RERG: variants seen among roughly 807,000 people sequenced by gnomAD.
RERG encodes RAS like estrogen regulated growth inhibitor.
RERG carries 25 observed loss-of-function variants against 23.2 expected under a neutral mutation model. That is an observed-to-expected ratio of 1.08 (90% confidence interval 0.79 to 1.50). The LOEUF (loss-of-function observed/expected upper bound fraction) is 1.50, where lower values mean the gene tolerates loss of function less well. Ranked by LOEUF, RERG falls within the 40% of genes most tolerant of loss-of-function variation. The pLI is 0.00. For synonymous variants in RERG, 81 were observed against 89.1 expected (o/e 0.91, Z 0.51); for missense variants, 253 against 250.1 (o/e 1.01, Z -0.08).
At chr12:15,183,136 A>T (rs1328381764) in intron 2 of RERG, among the ~76,000 whole-genome samples, 1 of 152,148 alleles carries the variant, frequency 6.6e-6, no homozygotes, top group African/African-American at 2.4e-5. Flanking sequence ...CTATGCAAAT[A>T]TTATAAAAAG....
Position 15,212,042 on chromosome 12 carries a change from CTTTTTTTTTTTTT to C in RERG, c.61+5374_61+5386del, listed in dbSNP as rs772353150. On this transcript the variant is annotated intron_variant, in intron 2 of 4. Transcript: ENST00000256953. The stretch of plus-strand genomic sequence containing the variant: ...ATGTGATATTAGAGCCACGAATAAA[CTTTTTTTTTTTTT>C]TTTTTTTTTTTTTTTGAGACGGAGT... 1.2e-3 allele frequency among the ~76,000 whole-genome samples: 75 copies of C among 64,722 alleles called. 2 individuals are homozygous for C. The highest frequency in any genetic ancestry group is 4.2e-3 in the African/African-American group (72 of 17,340). 42.5% of individuals were successfully genotyped at this position (64,722 alleles called of 152,430 possible).
intron 3 of RERG, among the ~76,000 whole-genome samples, chr12:15,118,019 C>T (rs1863762044): frequency 6.6e-6 from 1 of 151,702 alleles, no homozygotes; most frequent in South Asian, 2.1e-4. Flanking sequence ...TAAAATAAAA[C>T]TAAAATTGTT....
At chr12:15,121,901 A>T (rs1446699109) in intron 2 of RERG, among the ~76,000 whole-genome samples, 2 of 152,200 alleles carry the variant, frequency 1.3e-5, no homozygotes, top group Non-Finnish European at 2.9e-5. Flanking sequence ...TCTGGATAAT[A>T]TTTAACTGGA....
chr12:15,109,572 G>T, intron 4 of RERG, 55 bp from the exon 5 acceptor site: 2 of 1,401,924 alleles, frequency 1.4e-6, no homozygotes, highest in Non-Finnish European at 2.0e-6. Flanking sequence ...AAAATATATG[G>T]ATGCTGGTAA....
At chr12:15,174,258 G>A (rs1158962135) in intron 2 of RERG, among the ~76,000 whole-genome samples, 3 of 151,804 alleles carry the variant, frequency 2.0e-5, no homozygotes. Context: ...AAAGTAATTT[G>A]AGGAAAAAAA....
At chr12:15,160,701 G>C (rs966032400) in intron 2 of RERG, among the ~76,000 whole-genome samples, 1 of 152,186 alleles carries the variant, frequency 6.6e-6, no homozygotes, top group African/African-American at 2.4e-5. Flanking sequence ...GCATTACACA[G>C]AATGCTGGAA....
chr12:15,211,034 A>G (rs554339938), intron 2 of RERG, among the ~76,000 whole-genome samples: 34 of 152,242 alleles, frequency 2.2e-4, no homozygotes, highest in Admixed American at 5.9e-4. Context: ...TCATAAACCA[A>G]CTAGGAAAAG....
intron 1 of RERG, among the ~76,000 whole-genome samples, chr12:15,218,209 G>A (rs2136152160): frequency 6.6e-6 from 1 of 152,142 alleles, no homozygotes; most frequent in South Asian, 2.1e-4. Context: ...ACAATGCCCT[G>A]GTACAAAAAC....
intron 3 of RERG, among the ~76,000 whole-genome samples, chr12:15,119,457 T>C (rs1380434863): frequency 6.6e-6 from 1 of 152,178 alleles, no homozygotes; most frequent in East Asian, 1.9e-4. Flanking sequence ...AATAAAAAAT[T>C]TGTATTTTTA....
At chr12:15,169,967 T>C (rs942153122) in intron 2 of RERG, among the ~76,000 whole-genome samples, 2 of 141,808 alleles carry the variant, frequency 1.4e-5, no homozygotes, top group African/African-American at 5.4e-5. Flanking sequence ...TGTGTGTGTG[T>C]AACATCAGGG....
chr12:15,159,619 C>T (rs1402731155), intron 2 of RERG, among the ~76,000 whole-genome samples: 3 of 152,036 alleles, frequency 2.0e-5, no homozygotes, highest in African/African-American at 4.8e-5. Flanking sequence ...GTCAGGAGAT[C>T]GAGACCATCC....
chr12:15,212,676 C>G (rs1314359509), intron 2 of RERG, among the ~76,000 whole-genome samples: 4 of 152,016 alleles, frequency 2.6e-5, no homozygotes, highest in Non-Finnish European at 5.9e-5. Context: ...AGTTCTAAAA[C>G]ACAAAATGTA....
intron 2 of RERG, among the ~76,000 whole-genome samples, chr12:15,137,519 C>G (rs942786628): frequency 1.3e-5 from 2 of 151,580 alleles, no homozygotes; most frequent in African/African-American, 2.4e-5. Flanking sequence ...TATTTTCTCT[C>G]CTTTTTTATT....
intron 2 of RERG, among the ~76,000 whole-genome samples, chr12:15,205,882 T>C (rs1019023869): frequency 1.3e-5 from 2 of 152,094 alleles, no homozygotes; most frequent in African/African-American, 4.8e-5. Flanking sequence ...TAAATACCAC[T>C]GTCAAAGAGC....
intron 2 of RERG, among the ~76,000 whole-genome samples, chr12:15,137,027 C>T (rs936355572): frequency 2.0e-5 from 3 of 151,906 alleles, no homozygotes; most frequent in Non-Finnish European, 2.9e-5. Context: ...ATGGCGGATT[C>T]GTCTATTTCT....
chr12:15,173,600 C>T (rs1346763550), intron 2 of RERG, among the ~76,000 whole-genome samples: 2 of 151,952 alleles, frequency 1.3e-5, no homozygotes, highest in African/African-American at 4.8e-5. Context: ...TTAATTCCTC[C>T]AATTCATAAA....
intron 2 of RERG, among the ~76,000 whole-genome samples, chr12:15,194,057 A>C (rs1349415600): frequency 2.0e-5 from 3 of 152,168 alleles, no homozygotes; most frequent in Non-Finnish European, 4.4e-5. Flanking sequence ...AAGAACAATC[A>C]AAACAATGAC....
chr12:15,138,104 T>C, intron 2 of RERG: 1 of 255,110 alleles, frequency 3.9e-6, no homozygotes, highest in Non-Finnish European at 7.9e-6. Context: ...TTTTCTTGCT[T>C]GCATAATTTC....
intron 2 of RERG, among the ~76,000 whole-genome samples, chr12:15,174,241 C>T (rs559113928): frequency 3.3e-4 from 50 of 152,050 alleles, no homozygotes; most frequent in African/African-American, 1.2e-3. Context: ...TACATCAGCC[C>T]CGGTAAAAAG....
Sources: gnomAD v4.1 joint callset for allele counts (sites outside exome capture counted in the v4.1 genomes callset) on GRCh38, gnomAD v4.1.1 for gene constraint, MANE v1.5 for transcripts, NCBI Gene and HGNC (gene_info 2026-07-23, HGNC 2026-07-21) for gene names.